PPP1R2: variants seen among roughly 807,000 people sequenced by gnomAD.
PPP1R2 encodes protein phosphatase inhibitor 2.
Under a neutral mutation model 29.9 loss-of-function variants are expected in PPP1R2, and 16 were observed. The ratio of observed to expected loss-of-function variants is 0.53; its 90% CI spans 0.36 to 0.81. The LOEUF (loss-of-function observed/expected upper bound fraction) is 0.81. Among genes scored for constraint, PPP1R2 ranks in the 30% least tolerant of loss-of-function variants. PPP1R2 has a pLI of 0.00. For missense variants in PPP1R2, 197 were observed against 252.7 expected (o/e 0.78, Z 1.49); for synonymous variants, 76 against 91.5 (o/e 0.83, Z 0.96).
intron 4 of PPP1R2, among the ~76,000 whole-genome samples, chr3:195,520,166 C>T (rs1184186785): frequency 1.3e-5 from 2 of 152,136 alleles, no homozygotes; most frequent in East Asian, 3.9e-4. Context: ...TGTGCTACCA[C>T]TCCTGGCTAA....
At chr3:195,518,559 G>A (rs916454386) in intron 5 of PPP1R2, among the ~76,000 whole-genome samples, 7 of 152,014 alleles carry the variant, frequency 4.6e-5, no homozygotes, top group Non-Finnish European at 8.8e-5. Flanking sequence ...GCTGAGGCAG[G>A]AGAATGGCGG....
intron 1 of PPP1R2, among the ~76,000 whole-genome samples, chr3:195,539,094 A>G (rs552508317): frequency 6.6e-6 from 1 of 152,370 alleles, no homozygotes; most frequent in African/African-American, 2.4e-5. Flanking sequence ...ATGGCATCTT[A>G]TAATCATAGC....
chr3:195,533,514 C>A (rs1407281292), intron 1 of PPP1R2, among the ~76,000 whole-genome samples: 1 of 152,108 alleles, frequency 6.6e-6, no homozygotes, highest in Non-Finnish European at 1.5e-5. Context: ...GGGAGTCATA[C>A]AAAATGCCAC....
chr3:195,532,223 T>TTTTTC (rs2108949294), intron 1 of PPP1R2, among the ~76,000 whole-genome samples: 1 of 149,276 alleles, frequency 6.7e-6, no homozygotes, highest in East Asian at 1.9e-4. Context: ...TTCTTTTTTT[T>TTTTTC]TTTTTTTTTT....
At chr3:195,534,894 A>G (rs983041915) in intron 1 of PPP1R2, among the ~76,000 whole-genome samples, 8 of 152,032 alleles carry the variant, frequency 5.3e-5, no homozygotes, top group African/African-American at 1.5e-4. Flanking sequence ...ATTCTGGACA[A>G]TGTCTCTCTT....
chr3:195,537,285 A>C (rs1010662926), intron 1 of PPP1R2, among the ~76,000 whole-genome samples: 1 of 152,184 alleles, frequency 6.6e-6, no homozygotes, highest in African/African-American at 2.4e-5. Context: ...TATTTAAAAT[A>C]AGGCAGACAT....
intron 3 of PPP1R2, among the ~76,000 whole-genome samples, chr3:195,524,386 G>A (rs1458108732): frequency 3.3e-5 from 5 of 152,210 alleles, no homozygotes; most frequent in African/African-American, 1.2e-4. Context: ...GCCAGGCTTG[G>A]TGGCATGGGC....
At chr3:195,518,650 CAAAAA>C (rs35912447) in intron 5 of PPP1R2, among the ~76,000 whole-genome samples, 8 of 133,934 alleles carry the variant, frequency 6.0e-5, no homozygotes, top group African/African-American at 2.2e-4. Flanking sequence ...GACTCTGTCT[CAAAAA>C]AAAAAAAAAA....
chr3:195,528,116 C>A (rs1719042201), intron 2 of PPP1R2, among the ~76,000 whole-genome samples: 1 of 152,042 alleles, frequency 6.6e-6, no homozygotes, highest in African/African-American at 2.4e-5. Flanking sequence ...GTACACGGCA[C>A]CCAATGTGTA....
At chr3:195,541,211 C>T (rs1719579112) in intron 1 of PPP1R2, among the ~76,000 whole-genome samples, 1 of 152,098 alleles carries the variant, frequency 6.6e-6, no homozygotes, top group African/African-American at 2.4e-5. Context: ...AAGAAAGAGG[C>T]CAATCCATAG....
chr3:195,538,894 C>A (rs1180514759), intron 1 of PPP1R2, among the ~76,000 whole-genome samples: 2 of 152,146 alleles, frequency 1.3e-5, no homozygotes, highest in South Asian at 4.2e-4. Context: ...CTGAAAATCA[C>A]AACTAATAAA....
chr3:195,542,594 A>G (rs1280115542), intron 1 of PPP1R2, among the ~76,000 whole-genome samples: 1 of 152,226 alleles, frequency 6.6e-6, no homozygotes, highest in African/African-American at 2.4e-5. Context: ...GTTAAGAAAT[A>G]GTAAAAGCTT....
At position 195,524,909 on chromosome 3, in the gene PPP1R2, G is replaced by T; in HGVS notation, c.231-13C>A. The T allele has an allele frequency of 1.2e-6, 2 of 1,610,744 alleles. No homozygotes were observed. Among genetic ancestry groups the T allele is most frequent in the Non-Finnish European group, 1.7e-6 (2 of 1,177,156 alleles). ...ATCCCCCATCATACTAGTATGACAA[G>T]CACATTGTAATTAATACCTGAAACA... On this transcript the variant is annotated splice_polypyrimidine_tract_variant and intron_variant, in intron 2 of 5. Coordinates refer to ENST00000618156, the MANE Select transcript of PPP1R2 (RefSeq NM_006241.8).
chr3:195,528,245 C>A (rs116852461), intron 2 of PPP1R2, among the ~76,000 whole-genome samples: 1 of 152,264 alleles, frequency 6.6e-6, no homozygotes, highest in East Asian at 1.9e-4. Context: ...GTTTTCCATT[C>A]CTGGGTTACT....
Position 195,542,953 on chromosome 3 carries a change from T to C in PPP1R2, c.73A>G (p.Met25Val), listed in dbSNP as rs753874942. ...LKNKTSTTSS[M>V]VASAEQPRGN... Reference sequence around the variant, plus strand: ...CGGGGCTGTTCGGCCGACGCCACCATAGAGGAAGTCGTAGAGGTCTTGTTC... The same window carrying C: ...CGGGGCTGTTCGGCCGACGCCACCACAGAGGAAGTCGTAGAGGTCTTGTTC... Residue 25 changes from methionine (M) to valine (V), a missense_variant, in exon 1 of 6, where the codon ATG (methionine) becomes GTG (valine). Physicochemically the swap from Met to Val is conservative, Grantham distance 21. Transcript: ENST00000618156. 1.2e-5 allele frequency: 20 copies of C among 1,603,790 alleles called. No homozygotes were observed. Among genetic ancestry groups the C allele is most frequent in the Middle Eastern group, 1.7e-4 (1 of 6,000 alleles).
rs759175636 is a variant in PPP1R2, at chr3:195,529,926, T to C, written c.123-25A>G. The C allele has an allele frequency of 1.1e-5, 17 of 1,521,184 alleles. No individual in the cohort carries two copies. In the African/African-American group the frequency reaches 2.2e-4, roughly 20 times the overall value. 94.2% of individuals were successfully genotyped at this position (1,521,184 alleles called of 1,614,324 possible). A position where few individuals can be genotyped will look rare whatever the true frequency, so the allele number is the denominator to read the frequency against. The stretch of plus-strand genomic sequence containing the variant: ...GCTAAAATTAAAAAGAAAAAACGTT[T>C]TTCCCAATGCAGAAAAAGATAAACC... On this transcript the variant is annotated intron_variant, in intron 1 of 5. Coordinates refer to ENST00000618156, the MANE Select transcript of PPP1R2 (RefSeq NM_006241.8).
rs771799235 is a variant in PPP1R2, at chr3:195,527,950, G to GT, written c.230+1843dup. 6.3e-4 allele frequency: 196 copies of GT among 313,144 alleles called. 1 individual carries two copies. The highest frequency in any genetic ancestry group is 4.2e-3 in the African/African-American group (187 of 44,496). 19.4% of individuals were successfully genotyped at this position (313,144 alleles called of 1,614,324 possible). A position where few individuals can be genotyped will look rare whatever the true frequency, so the allele number is the denominator to read the frequency against. On this transcript the variant is annotated intron_variant, in intron 2 of 5. Coordinates refer to ENST00000618156, the MANE Select transcript of PPP1R2 (RefSeq NM_006241.8). ...GAATATAAACCTCTTTTTAGCATGC[G>GT]TATTTTTTTTTAACTAATTGTAATT...
chr3:195,539,397 T>C (rs963702198), intron 1 of PPP1R2, among the ~76,000 whole-genome samples: 2 of 152,194 alleles, frequency 1.3e-5, no homozygotes, highest in Non-Finnish European at 2.9e-5. Flanking sequence ...ATCTGACAAA[T>C]GGTACCTGTA....
At position 195,542,815 on chromosome 3, in the gene PPP1R2, T is replaced by G. The variant is rs1168643393; in HGVS notation, c.122+89A>C. The G allele has an allele frequency of 2.1e-6, 3 of 1,419,084 alleles. No individual in the cohort carries two copies. The African/African-American group carries it at 4.4e-5, about 21-fold the overall frequency. The allele number at this position is 1,419,084 out of a possible 1,614,324, so 87.9% of individuals were successfully genotyped here. ...AGACTCGAGCGGCACCCGAGCCGCA[T>G]CCACGCCGCCCGCCCGCCCCTGGGG... On this transcript the variant is annotated intron_variant, in intron 1 of 5. Coordinates refer to ENST00000618156, the MANE Select transcript of PPP1R2 (RefSeq NM_006241.8).
Sources: gnomAD v4.1 joint callset for allele counts (sites outside exome capture counted in the v4.1 genomes callset) on GRCh38, gnomAD v4.1.1 for gene constraint, MANE v1.5 for transcripts, NCBI Gene and HGNC (gene_info 2026-07-23, HGNC 2026-07-21) for gene names.